The following ZNF804B variants were observed in gnomAD, a reference collection of about 807,000 sequenced individuals.
ZNF804B encodes the protein zinc finger 804B.
In ZNF804B, 80 loss-of-function variants were observed where a neutral mutation model predicts 101.4. That is an observed-to-expected ratio of 0.79 (90% CI 0.66 to 0.95). The LOEUF (loss-of-function observed/expected upper bound fraction) is 0.95, where lower values mean the gene tolerates loss of function less well. Ranked by LOEUF, ZNF804B falls within the 40% of genes least tolerant of loss-of-function variation. The pLI, the probability that ZNF804B is intolerant of heterozygous loss-of-function variation, is 0.00. For synonymous variants in ZNF804B, 622 were observed against 558.8 expected (o/e 1.11, Z -1.59); for missense variants, 1,673 against 1,561.9 (o/e 1.07, Z -1.20).
rs1329762153 is a variant in ZNF804B, at chr7:89,335,489, G to C, written c.2507G>C (p.Cys836Ser). The C allele has an allele frequency of 1.9e-6, 3 of 1,613,860 alleles. No homozygotes were observed. Among genetic ancestry groups the C allele is most frequent in the Non-Finnish European group, 2.5e-6 (3 of 1,179,958 alleles). The change falls in exon 4 of 4, where the codon TGT becomes TCT. Residue 836 changes from cysteine to serine, a missense_variant. By Grantham distance (112) the Cys-to-Ser change is moderately radical. Transcript: ENST00000333190. ...IYCDSNSQIS[C>S]TGSSKKPPNC... ...TGTGATTCTAACTCACAGATTTCCT[G>C]TACTGGAAGCAGTAAAAAACCACCT... is the stretch of plus-strand genomic sequence containing the variant.
Position 88,793,064 on chromosome 7 carries a change from A to G in ZNF804B, c.108+32980A>G, listed in dbSNP as rs1037149843. Among the ~76,000 whole-genome samples the G allele has an allele frequency of 6.3e-4, 96 of 152,072 alleles. 1 individual carries two copies. Among genetic ancestry groups the G allele is most frequent in the African/African-American group, 2.2e-3 (90 of 41,438 alleles). On this transcript the variant is annotated intron_variant, in intron 1 of 3. Coordinates refer to ENST00000333190, the MANE Select transcript of ZNF804B (RefSeq NM_181646.5). ...TAAAAATGAAAAAAAAATAATAAAA[A>G]ATAAAACTATAATGATAAGTATTTT...
At chr7:89,280,630 T>C (rs974128277) in intron 2 of ZNF804B, among the ~76,000 whole-genome samples, 7 of 152,194 alleles carry the variant, frequency 4.6e-5, no homozygotes, top group African/African-American at 1.4e-4. Context: ...CAAACACCTC[T>C]ATGCAAATAA....
chr7:88,858,427 T>A (rs753212950), intron 1 of ZNF804B, among the ~76,000 whole-genome samples: 14 of 152,190 alleles, frequency 9.2e-5, no homozygotes, highest in Non-Finnish European at 1.6e-4. Flanking sequence ...GATGGGGTGA[T>A]GATTCTTTGT....
chr7:89,155,996 T>C (rs921115625), intron 1 of ZNF804B, among the ~76,000 whole-genome samples: 19 of 128,374 alleles, frequency 1.5e-4, no homozygotes, highest in South Asian at 2.8e-4. Flanking sequence ...CCTTTCCTTC[T>C]TTCTTTCTTT....
intron 1 of ZNF804B, among the ~76,000 whole-genome samples, chr7:88,846,784 G>A (rs1172752041): frequency 6.7e-6 from 1 of 149,860 alleles, no homozygotes; most frequent in Non-Finnish European, 1.5e-5. Flanking sequence ...TCATATATAT[G>A]TATATATGTG....
intron 1 of ZNF804B, among the ~76,000 whole-genome samples, chr7:88,774,654 T>G (rs1445019972): frequency 1.3e-5 from 2 of 152,174 alleles, no homozygotes; most frequent in Non-Finnish European, 2.9e-5. Context: ...CTGGAAACAA[T>G]TCTGTTAATC....
intron 1 of ZNF804B, among the ~76,000 whole-genome samples, chr7:89,019,112 C>T (rs1390734208): frequency 6.6e-6 from 1 of 151,956 alleles, no homozygotes; most frequent in Admixed American, 6.6e-5. Flanking sequence ...TTGATGCAGG[C>T]ATTTATTGCT....
chr7:88,913,182 C>G (rs948193942), intron 1 of ZNF804B, among the ~76,000 whole-genome samples: 2 of 152,068 alleles, frequency 1.3e-5, no homozygotes, highest in African/African-American at 2.4e-5. Context: ...TTAATTTTCA[C>G]TTTGCTGTAT....
Position 89,143,959 on chromosome 7 carries a change from G to T in ZNF804B, c.109-74196G>T, listed in dbSNP as rs539048928. 5.9e-5 allele frequency among the ~76,000 whole-genome samples: 9 copies of T among 151,990 alleles called. No individual in the cohort carries two copies. The East Asian group carries it at 1.2e-3, about 20-fold the overall frequency. ...GCTGGTATAAAAGTCAAACCAAGTA[G>T]CTATATTCTCTCCAATAATATTAGC... On this transcript the variant is annotated intron_variant, in intron 1 of 3. Coordinates refer to ENST00000333190, the MANE Select transcript of ZNF804B (RefSeq NM_181646.5).
At chr7:89,014,585 G>A (rs1788513323) in intron 1 of ZNF804B, among the ~76,000 whole-genome samples, 1 of 152,156 alleles carries the variant, frequency 6.6e-6, no homozygotes, top group South Asian at 2.1e-4. Context: ...CAAAGTGCTG[G>A]GATTACAGGT....
intron 1 of ZNF804B, among the ~76,000 whole-genome samples, chr7:89,126,285 A>G (rs1362630250): frequency 2.0e-5 from 3 of 152,014 alleles, no homozygotes; most frequent in Admixed American, 2.0e-4. Context: ...TTTTTGGAAT[A>G]AAGGTATTTC....
intron 1 of ZNF804B, among the ~76,000 whole-genome samples, chr7:88,962,763 A>G (rs1329218592): frequency 1.4e-5 from 2 of 143,330 alleles, no homozygotes; most frequent in Non-Finnish European, 3.1e-5. Context: ...ACGTATTTAT[A>G]TAATTACATA....
At chr7:89,117,937 T>C (rs1790335511) in intron 1 of ZNF804B, among the ~76,000 whole-genome samples, 1 of 152,134 alleles carries the variant, frequency 6.6e-6, no homozygotes, top group Admixed American at 6.5e-5. Flanking sequence ...TAAAAAATGA[T>C]GGAAAATGTA....
intron 2 of ZNF804B, among the ~76,000 whole-genome samples, chr7:89,316,883 T>G (rs38951): frequency 0.29 from 44,684 of 152,048 alleles, 8,022 homozygotes; most frequent in East Asian, 0.7. Flanking sequence ...TAAGTTTGAG[T>G]GTGAAACAGG....
At chr7:88,788,141 G>T (rs1000708081) in intron 1 of ZNF804B, among the ~76,000 whole-genome samples, 5 of 152,150 alleles carry the variant, frequency 3.3e-5, no homozygotes, top group African/African-American at 1.2e-4. Flanking sequence ...AGGTGCAGAT[G>T]CCTGTGGGGT....
In ZNF804B at chr7:89,127,471, G is replaced by A. The variant is rs117620319; in HGVS notation, c.109-90684G>A. On this transcript the variant is annotated intron_variant, in intron 1 of 3. Coordinates refer to ENST00000333190, the MANE Select transcript of ZNF804B (RefSeq NM_181646.5). ...CTGAAAGTGCCTCAATGATCAGAATGTTTTCTTCTTGAGAAAGTTATATAG... is the reference window on the plus strand; with the variant it reads ...CTGAAAGTGCCTCAATGATCAGAATATTTTCTTCTTGAGAAAGTTATATAG... 6.4e-3 allele frequency among the ~76,000 whole-genome samples: 975 copies of A among 151,942 alleles called. 50 individuals carry two copies. The East Asian group carries it at 0.12, about 18-fold the overall frequency.
intron 1 of ZNF804B, among the ~76,000 whole-genome samples, chr7:88,954,560 C>A (rs909998605): frequency 6.6e-6 from 1 of 151,090 alleles, no homozygotes; most frequent in Admixed American, 6.6e-5. Context: ...AACATGCCCC[C>A]CCCCCACCAC....
At chr7:89,162,701 T>C (rs888183749) in intron 1 of ZNF804B, among the ~76,000 whole-genome samples, 1 of 151,078 alleles carries the variant, frequency 6.6e-6, no homozygotes. Context: ...ATGTGCACAA[T>C]GTGCAGGTTA....
chr7:88,874,617 T>C (rs1285358347), intron 1 of ZNF804B, among the ~76,000 whole-genome samples: 1 of 151,990 alleles, frequency 6.6e-6, no homozygotes, highest in Admixed American at 6.6e-5. Flanking sequence ...TTGTCATAGA[T>C]AGCTCTTATT....
Sources: allele counts gnomAD v4.1 joint callset (sites outside exome capture counted in the v4.1 genomes callset), GRCh38; gene constraint gnomAD v4.1.1; transcripts MANE v1.5; gene names NCBI Gene and HGNC (gene_info 2026-07-23, HGNC 2026-07-21).